PARL: variants seen among roughly 807,000 people sequenced by gnomAD.
PARL encodes presenilin associated rhomboid like.
PARL carries 44 observed loss-of-function variants against 51.6 expected under a neutral mutation model. The ratio of observed to expected loss-of-function variants is 0.85; its 90% CI spans 0.67 to 1.10. The LOEUF (loss-of-function observed/expected upper bound fraction) is 1.10, where lower values mean the gene tolerates loss of function less well. PARL is among the 50% of genes least tolerant of loss of function. The pLI, the probability that PARL is intolerant of heterozygous loss-of-function variation, is 0.00. For synonymous variants in PARL, 172 were observed against 164.0 expected (o/e 1.05, Z -0.37); for missense variants, 441 against 469.5 (o/e 0.94, Z 0.56).
At chr3:183,876,798 AGAG>A in intron 1 of PARL, among the ~76,000 whole-genome samples, 1 of 152,306 alleles carries the variant, frequency 6.6e-6, no homozygotes, top group East Asian at 1.9e-4. Flanking sequence ...ATGATTCATG[AGAG>A]GAGGTCAAAA....
At chr3:183,837,883 A>C (rs1728820139) in intron 7 of PARL, among the ~76,000 whole-genome samples, 1 of 152,180 alleles carries the variant, frequency 6.6e-6, no homozygotes, top group Non-Finnish European at 1.5e-5. Context: ...AGGCCCAGGT[A>C]GGAGGATCAC....
chr3:183,881,079 G>C (rs1577403075), intron 1 of PARL, among the ~76,000 whole-genome samples: 4 of 150,802 alleles, frequency 2.7e-5, no homozygotes, highest in African/African-American at 9.8e-5. Context: ...GCCTCCCAAA[G>C]TGCTGGGACT....
intron 4 of PARL, among the ~76,000 whole-genome samples, chr3:183,857,789 T>C (rs1201176914): frequency 1.3e-5 from 2 of 152,202 alleles, no homozygotes; most frequent in Non-Finnish European, 2.9e-5. Flanking sequence ...GGCTGCTACT[T>C]TGGAACAATT....
At position 183,863,734 on chromosome 3, in the gene PARL, C is replaced by T. The variant is rs113237744; in HGVS notation, c.463-933G>A. On this transcript the variant is annotated intron_variant, in intron 3 of 9. Coordinates refer to ENST00000317096, the MANE Select transcript of PARL (RefSeq NM_018622.7). The stretch of plus-strand genomic sequence containing the variant: ...GATTACAGATATGAGCCGCCCCGGC[C>T]GATTCCATTTCTATAATTATAATTG... Among the ~76,000 whole-genome samples, 36 of 152,068 alleles carry T rather than the reference C, an allele frequency of 2.4e-4. 1 individual carries two copies. Among genetic ancestry groups the T allele is most frequent in the Admixed American group, 6.5e-5 (1 of 15,270 alleles).
At chr3:183,876,550 T>G (rs116540328) in intron 1 of PARL, among the ~76,000 whole-genome samples, 1 of 146,274 alleles carries the variant, frequency 6.8e-6, no homozygotes, top group Non-Finnish European at 1.5e-5. Context: ...TTTCAACGTT[T>G]AAGTCTTATT....
At chr3:183,827,678 C>T (rs78283883), downstream of PARL, among the ~76,000 whole-genome samples, 3 of 152,034 alleles carry the variant, frequency 2.0e-5, no homozygotes, top group Admixed American at 1.3e-4. Flanking sequence ...CGAATGGCTC[C>T]GGGTTTCAGA....
chr3:183,861,546 C>G (rs1255358307), intron 4 of PARL, among the ~76,000 whole-genome samples: 1 of 152,034 alleles, frequency 6.6e-6, no homozygotes, highest in Admixed American at 6.5e-5. Context: ...GCATCGGGTT[C>G]CAATAAAGTC....
At chr3:183,859,026 G>A (rs1326254607) in intron 4 of PARL, among the ~76,000 whole-genome samples, 3 of 152,044 alleles carry the variant, frequency 2.0e-5, no homozygotes, top group Admixed American at 6.6e-5. Context: ...CTACAGACTC[G>A]CCGGGCGCGG....
intron 3 of PARL, 28 bp downstream of exon 3, chr3:183,866,597 G>C: frequency 6.3e-7 from 1 of 1,599,900 alleles, no homozygotes; most frequent in Non-Finnish European, 8.6e-7. Context: ...TGATTAACTA[G>C]AAGAAAGAAA....
At chr3:183,828,396 C>A (rs1727579139), downstream of PARL, among the ~76,000 whole-genome samples, 1 of 152,190 alleles carries the variant, frequency 6.6e-6, no homozygotes, top group African/African-American at 2.4e-5. Context: ...AGCATTGTGA[C>A]CTTGGGCAGT....
chr3:183,866,976 C>G (rs750687307), intron 2 of PARL, among the ~76,000 whole-genome samples: 3 of 151,606 alleles, frequency 2.0e-5, no homozygotes, highest in Non-Finnish European at 4.4e-5. Context: ...TGTAATGGTG[C>G]GATATGGGCT....
intron 2 of PARL, among the ~76,000 whole-genome samples, chr3:183,867,057 G>T (rs1336921855): frequency 2.6e-5 from 4 of 152,094 alleles, no homozygotes; most frequent in Non-Finnish European, 5.9e-5. Context: ...AGGATTACAG[G>T]TACCTGCCTC....
intron 9 of PARL, 56 bp from the exon 10 acceptor site, chr3:183,829,765 G>C: frequency 7.3e-7 from 1 of 1,372,576 alleles, no homozygotes; most frequent in South Asian, 1.2e-5. Flanking sequence ...CAAATGGTAA[G>C]TAGCATGGTG....
chr3:183,861,249 G>C (rs567236057), intron 4 of PARL: 1 of 979,420 alleles, frequency 1.0e-6, no homozygotes. Flanking sequence ...TCTTAGTTAT[G>C]GCAACACTGA....
intron 3 of PARL, among the ~76,000 whole-genome samples, chr3:183,863,575 C>G (rs1732092740): frequency 6.6e-6 from 1 of 152,038 alleles, no homozygotes; most frequent in Non-Finnish European, 1.5e-5. Flanking sequence ...AAAGAAACTA[C>G]AGATTAGTAT....
intron 7 of PARL, among the ~76,000 whole-genome samples, chr3:183,837,516 A>G (rs1421935872): frequency 6.6e-6 from 1 of 152,194 alleles, no homozygotes; most frequent in African/African-American, 2.4e-5. Flanking sequence ...AGCCACAGCG[A>G]CATTAGCAGA....
chr3:183,860,113 G>A (rs372886310), intron 4 of PARL, among the ~76,000 whole-genome samples: 8 of 151,268 alleles, frequency 5.3e-5, no homozygotes, highest in African/African-American at 1.7e-4. Flanking sequence ...AAAGTGGGAC[G>A]GAGTAGACCT....
At chr3:183,848,618 C>G (rs1730226587) in intron 4 of PARL, among the ~76,000 whole-genome samples, 1 of 152,206 alleles carries the variant, frequency 6.6e-6, no homozygotes, top group Non-Finnish European at 1.5e-5. Context: ...AAGCCTCATT[C>G]CCAAAGAATT....
At chr3:183,830,294 G>A (rs1372891931) in intron 9 of PARL, among the ~76,000 whole-genome samples, 11 of 152,236 alleles carry the variant, frequency 7.2e-5, no homozygotes, top group Admixed American at 3.3e-4. Flanking sequence ...GGAGGCTGAC[G>A]CACAGAGAGG....
Sources: allele counts gnomAD v4.1 joint callset (sites outside exome capture counted in the v4.1 genomes callset), GRCh38; gene constraint gnomAD v4.1.1; transcripts MANE v1.5; gene names NCBI Gene and HGNC (gene_info 2026-07-23, HGNC 2026-07-21).